Variants in FOXP1 observed in about 807,000 individuals in gnomAD.
The protein encoded by FOXP1 is forkhead box P1.
In FOXP1, 15 loss-of-function variants were observed where a neutral mutation model predicts 98.2. The ratio of observed to expected loss-of-function variants is 0.15; its 90% CI spans 0.10 to 0.24. The LOEUF (loss-of-function observed/expected upper bound fraction) is 0.24. Among genes scored for constraint, FOXP1 ranks in the 10% least tolerant of loss-of-function variants. FOXP1 has a pLI of 1.00. For synonymous variants in FOXP1, 371 were observed against 314.5 expected, an observed-to-expected ratio of 1.18 and a Z score of -1.90; for missense variants, 633 against 848.5, an observed-to-expected ratio of 0.75 and a Z score of 3.15.
At chr3:71,303,599 T>C (rs574438526) in intron 4 of FOXP1, among the ~76,000 whole-genome samples, 2 of 152,292 alleles carry the variant, frequency 1.3e-5, no homozygotes, top group African/African-American at 2.4e-5. Context: ...TATAAGGACA[T>C]CAACATATAT....
At chr3:71,016,284 G>T (rs1007822784) in intron 11 of FOXP1, among the ~76,000 whole-genome samples, 1 of 152,076 alleles carries the variant, frequency 6.6e-6, no homozygotes, top group African/African-American at 2.4e-5. Context: ...AATTTGGCAT[G>T]AACACGAAGG....
At chr3:71,036,292 A>C (rs1163636892) in intron 11 of FOXP1, among the ~76,000 whole-genome samples, 1 of 152,214 alleles carries the variant, frequency 6.6e-6, no homozygotes, top group Non-Finnish European at 1.5e-5. Flanking sequence ...TCGTGACTGA[A>C]GAGAGCATAG....
chr3:71,205,228 T>C (rs1018045803), intron 5 of FOXP1, among the ~76,000 whole-genome samples: 1 of 152,148 alleles, frequency 6.6e-6, no homozygotes, highest in African/African-American at 2.4e-5. Context: ...GACAAACAAA[T>C]GAAACCCATA....
intron 2 of FOXP1, among the ~76,000 whole-genome samples, chr3:71,496,354 C>T (rs975671054): frequency 6.6e-6 from 1 of 152,078 alleles, no homozygotes; most frequent in African/African-American, 2.4e-5. Flanking sequence ...GGGTGGAAAA[C>T]GCATTTCACA....
intron 4 of FOXP1, among the ~76,000 whole-genome samples, chr3:71,312,365 T>C (rs539169293): frequency 6.6e-6 from 1 of 152,146 alleles, no homozygotes; most frequent in East Asian, 1.9e-4. Context: ...ATAATTTTTT[T>C]AAGCTAAGTA....
At chr3:71,581,141 G>C in intron 2 of FOXP1, 1 of 982,236 alleles carries the variant, frequency 1.0e-6, no homozygotes, top group Non-Finnish European at 1.2e-6. Context: ...AATGAATTAA[G>C]ACGAAAGCAT....
intron 3 of FOXP1, among the ~76,000 whole-genome samples, chr3:71,400,810 G>T (rs915468067): frequency 2.0e-5 from 3 of 152,180 alleles, no homozygotes; most frequent in African/African-American, 7.2e-5. Flanking sequence ...GACCTACATT[G>T]TGTTAGATGT....
chr3:71,027,815 T>C (rs761138746), intron 11 of FOXP1, among the ~76,000 whole-genome samples: 5 of 152,224 alleles, frequency 3.3e-5, no homozygotes. Flanking sequence ...ATATAATTAA[T>C]AAACATACTT....
At chr3:70,992,190 G>C (rs562151341) in intron 13 of FOXP1, among the ~76,000 whole-genome samples, 1 of 152,294 alleles carries the variant, frequency 6.6e-6, no homozygotes, top group East Asian at 1.9e-4. Flanking sequence ...AGGACCCCAA[G>C]TGTCCAAGTT....
chr3:71,395,387 C>T (rs946649235), intron 3 of FOXP1, among the ~76,000 whole-genome samples: 1 of 149,578 alleles, frequency 6.7e-6, no homozygotes, highest in Non-Finnish European at 1.5e-5. Flanking sequence ...TCAGACCCAC[C>T]CAGTTCATGA....
At chr3:71,301,290 G>A (rs1208431016) in intron 4 of FOXP1, among the ~76,000 whole-genome samples, 1 of 152,102 alleles carries the variant, frequency 6.6e-6, no homozygotes, top group Admixed American at 6.6e-5. Context: ...CCCAAGATTG[G>A]TTTCTCCAGT....
At chr3:71,249,776 G>A (rs541008037) in intron 5 of FOXP1, among the ~76,000 whole-genome samples, 2 of 152,184 alleles carry the variant, frequency 1.3e-5, no homozygotes, top group African/African-American at 2.4e-5. Context: ...GGAAAGTGAG[G>A]AGGGGAGAAG....
intron 5 of FOXP1, among the ~76,000 whole-genome samples, chr3:71,242,046 A>G (rs1340519116): frequency 6.6e-6 from 1 of 152,214 alleles, no homozygotes; most frequent in Non-Finnish European, 1.5e-5. Flanking sequence ...ATTCTATCAA[A>G]ACAAGGCTTC....
chr3:71,035,705 T>C (rs1241443045), intron 11 of FOXP1, among the ~76,000 whole-genome samples: 1 of 152,094 alleles, frequency 6.6e-6, no homozygotes, highest in African/African-American at 2.4e-5. Context: ...GGAAGAAAGA[T>C]TTAAAATAAC....
chr3:71,342,693 A>T (rs1577055387), intron 4 of FOXP1, among the ~76,000 whole-genome samples: 1 of 152,026 alleles, frequency 6.6e-6, no homozygotes, highest in South Asian at 2.1e-4. Context: ...CGTCTAAAAA[A>T]AAAAAAGCAA....
intron 2 of FOXP1, among the ~76,000 whole-genome samples, chr3:71,540,082 C>G (rs1010105634): frequency 5.9e-5 from 9 of 152,174 alleles, no homozygotes; most frequent in African/African-American, 2.2e-4. Context: ...TTTCTTCAAG[C>G]CCTAGGTTGG....
At chr3:71,444,793 C>T (rs1366171053) in intron 3 of FOXP1, among the ~76,000 whole-genome samples, 1 of 152,146 alleles carries the variant, frequency 6.6e-6, no homozygotes, top group Non-Finnish European at 1.5e-5. Flanking sequence ...ATCAAACAGG[C>T]CTGCTGCAGA....
At chr3:71,524,678 A>G (rs1560605533) in intron 2 of FOXP1, among the ~76,000 whole-genome samples, 1 of 152,212 alleles carries the variant, frequency 6.6e-6, no homozygotes, top group Non-Finnish European at 1.5e-5. Flanking sequence ...CATGCAGGCT[A>G]GGAAGACAAT....
intron 3 of FOXP1, among the ~76,000 whole-genome samples, chr3:71,482,834 CTTT>C (rs777721460): frequency 7.0e-6 from 1 of 142,188 alleles, no homozygotes. Context: ...TCTTATGTCA[CTTT>C]TTTTTTTTTT....
Sources: allele counts gnomAD v4.1 joint callset (sites outside exome capture counted in the v4.1 genomes callset), GRCh38; gene constraint gnomAD v4.1.1; transcripts MANE v1.5; gene names NCBI Gene and HGNC (gene_info 2026-07-23, HGNC 2026-07-21).